Variants in WDR12 observed in about 807,000 individuals in gnomAD.
WDR12 encodes the protein WD repeat domain 12.
WDR12 carries 42 observed loss-of-function variants against 64.3 expected under a neutral mutation model. The ratio of observed to expected loss-of-function variants is 0.65; its 90% CI spans 0.51 to 0.84. The LOEUF (loss-of-function observed/expected upper bound fraction) is 0.84, where lower values mean the gene tolerates loss of function less well. Ranked by LOEUF, WDR12 falls within the 40% of genes least tolerant of loss-of-function variation. The pLI is 0.00. For missense variants in WDR12, 469 were observed against 494.6 expected (o/e 0.95, Z 0.49); for synonymous variants, 158 against 173.3 (o/e 0.91, Z 0.70).
rs972913811 is a variant in WDR12, at chr2:202,911,635, C to G, written c.-159G>C. On this transcript the variant is annotated 5_prime_UTR_variant, in exon 1 of 13. Transcript: ENST00000261015. The stretch of plus-strand genomic sequence containing the variant: ...AAGCCTGGACTCTGCCTTCTGCCCT[C>G]CGGTCTCCTCTGCAGAAAGCACGAG... The G allele has an allele frequency of 4.2e-5, 29 of 687,904 alleles. 1 individual carries two copies. The South Asian group carries it at 4.5e-4, about 11-fold the overall frequency. The allele number at this position is 687,904 out of a possible 1,614,324, so 42.6% of individuals were successfully genotyped here.
Position 202,896,046 on chromosome 2 carries a change from T to C in WDR12, c.609+19A>G, listed in dbSNP as rs1044731747. On this transcript the variant is annotated intron_variant, in intron 6 of 12. Transcript: ENST00000261015. ...AAATTCAAATTTAACAGAGTACTAATAATATTCTAGCTACTTACTTTAGTT... is the reference window on the plus strand; with the variant it reads ...AAATTCAAATTTAACAGAGTACTAACAATATTCTAGCTACTTACTTTAGTT... 1.2e-6 allele frequency: 2 copies of C among 1,608,872 alleles called. No individual in the cohort carries two copies. Among genetic ancestry groups the C allele is most frequent in the East Asian group, 2.2e-5 (1 of 44,812 alleles).
intron 2 of WDR12, among the ~76,000 whole-genome samples, chr2:202,903,495 G>GTAA (rs1201479306): frequency 7.3e-5 from 9 of 122,768 alleles, no homozygotes; most frequent in African/African-American, 2.6e-4. Flanking sequence ...AAGGAAGGAA[G>GTAA]GAAGGAAGTG....
chr2:202,907,034 C>T (rs536073202), intron 2 of WDR12, among the ~76,000 whole-genome samples: 5 of 151,928 alleles, frequency 3.3e-5, no homozygotes, highest in African/African-American at 4.8e-5. Context: ...CTGCAACCTC[C>T]GCCTCCCGGG....
intron 7 of WDR12, among the ~76,000 whole-genome samples, chr2:202,893,913 T>A (rs1015017633): frequency 1.3e-5 from 2 of 152,192 alleles, no homozygotes; most frequent in African/African-American, 2.4e-5. Flanking sequence ...CCAGCTTACC[T>A]AAGAAATTAA....
chr2:202,874,675 C>T lies in WDR12; in HGVS notation c.*6185G>A, dbSNP rs1254615341. On this transcript the variant is annotated 3_prime_UTR_variant, in exon 13 of 13. Transcript: ENST00000261015. ...TTTCTTTGTAATCTGTTGGATTTTA[C>T]CGAAGACGTCAGGAGAAGCATTATA... The T allele has an allele frequency of 1.3e-5, 2 of 152,272 alleles. No homozygotes were observed. The highest frequency in any genetic ancestry group is 2.4e-5 in the African/African-American group (1 of 41,566). The allele number at this position is 152,272 out of a possible 1,614,324, so 9.4% of individuals were successfully genotyped here.
intron 5 of WDR12, among the ~76,000 whole-genome samples, chr2:202,896,990 C>CA (rs1393367428): frequency 6.6e-6 from 1 of 150,914 alleles, no homozygotes; most frequent in African/African-American, 2.4e-5. Context: ...ATCTCAAAAA[C>CA]AAAACAAAAC....
chr2:202,901,140 A>G, intron 2 of WDR12, 21 bp from the exon 3 acceptor site: 2 of 1,570,650 alleles, frequency 1.3e-6, no homozygotes, highest in East Asian at 4.5e-5. Context: ...TACATAACAA[A>G]ATTATCACTC....
rs1217358730 is a variant in WDR12, at chr2:202,876,380, A to G, written c.*4480T>C. ...GTAAAAAGAGATATATTTGGTTCAT[A>G]TAACAAAATACTGTTATTGTGTTTG... is the stretch of plus-strand genomic sequence containing the variant. On this transcript the variant is annotated 3_prime_UTR_variant, in exon 13 of 13. Transcript: ENST00000261015. 6.6e-6 allele frequency: 1 copy of G among 152,228 alleles called. No individual in the cohort carries two copies. Among genetic ancestry groups the G allele is most frequent in the Admixed American group, 6.5e-5 (1 of 15,284 alleles). The allele number at this position is 152,228 out of a possible 1,614,324, so 9.4% of individuals were successfully genotyped here.
chr2:202,891,439 C>A (rs1315704325), intron 8 of WDR12, among the ~76,000 whole-genome samples: 1 of 152,208 alleles, frequency 6.6e-6, no homozygotes, highest in Admixed American at 6.5e-5. Flanking sequence ...CCTGAGCCAC[C>A]ACAGTTGGCC....
At chr2:202,906,958 A>ATT (rs112645694) in intron 2 of WDR12, among the ~76,000 whole-genome samples, 11 of 145,256 alleles carry the variant, frequency 7.6e-5, no homozygotes, top group Non-Finnish European at 1.4e-4. Context: ...AAACTTCAAC[A>ATT]TTTTTTTTTT....
intron 6 of WDR12, among the ~76,000 whole-genome samples, chr2:202,895,680 G>A (rs1182126325): frequency 7.8e-6 from 1 of 128,980 alleles, no homozygotes; most frequent in African/African-American, 2.8e-5. Context: ...GCGCCACCAT[G>A]CCCGGCTTAT....
intron 4 of WDR12, among the ~76,000 whole-genome samples, chr2:202,897,909 AT>A (rs1472497456): frequency 0.096 from 1,937 of 20,164 alleles, 81 homozygotes; most frequent in African/African-American, 0.18. Context: ...AAAAAAAAAA[AT>A]ATATATATAT....
Position 202,875,699 on chromosome 2 carries a change from TTC to T in WDR12, c.*5159_*5160del, listed in dbSNP as rs1687847015. On this transcript the variant is annotated 3_prime_UTR_variant, in exon 13 of 13. Transcript: ENST00000261015. ...CACGGCGCCCAGCCACATATAACCT[TTC>T]TGTTAGGCAAGTGAAGACACTTCCA... 1 of 152,176 alleles carries T rather than the reference TTC, an allele frequency of 6.6e-6. No homozygotes were observed. The highest frequency in any genetic ancestry group is 1.5e-5 in the Non-Finnish European group (1 of 68,048). The allele number at this position is 152,176 out of a possible 1,614,324, so 9.4% of individuals were successfully genotyped here.
intron 2 of WDR12, among the ~76,000 whole-genome samples, chr2:202,902,935 C>A (rs1045047136): frequency 7.9e-5 from 12 of 152,020 alleles, no homozygotes; most frequent in Non-Finnish European, 5.9e-5. Flanking sequence ...ATTAGCCAGC[C>A]GGGTGTGGTG....
In WDR12 at chr2:202,884,221, C is replaced by T. The variant is rs1688006664; in HGVS notation, c.965G>A (p.Arg322Lys). 6.2e-7 allele frequency: 1 copy of T among 1,613,098 alleles called. No homozygotes were observed. Among genetic ancestry groups the T allele is most frequent in the Non-Finnish European group, 8.5e-7 (1 of 1,180,034 alleles). Residue 322 changes from arginine (R) to lysine (K), a missense_variant, in exon 10 of 13, where the codon AGA (arginine) becomes AAA (lysine). Coordinates refer to ENST00000261015, the MANE Select transcript of WDR12 (RefSeq NM_018256.4). ...LASGSTDRHI[R>K]LWDPRTKDGS... ...ACCTTTAGTTCGGGGATCCCACAGTCTGATATGCCTATCTGTGCTTCCAGA... is the reference window on the plus strand; with the variant it reads ...ACCTTTAGTTCGGGGATCCCACAGTTTGATATGCCTATCTGTGCTTCCAGA...
Position 202,894,220 on chromosome 2 carries a change from ATT to A in WDR12, c.655+359_655+360del, listed in dbSNP as rs146561964. Among the ~76,000 whole-genome samples the A allele has an allele frequency of 4.0e-5, 6 of 148,458 alleles. No individual in the cohort carries two copies. In the East Asian group the frequency reaches 1.2e-3, roughly 29 times the overall value. ...TAAAAAGTCCCCTTTCACTAAACTG[ATT>A]TTTTTTTTTTGAGACAGGTTCTCAC... On this transcript the variant is annotated intron_variant, in intron 7 of 12. Coordinates refer to ENST00000261015, the MANE Select transcript of WDR12 (RefSeq NM_018256.4).
intron 8 of WDR12, 82 bp from the exon 9 acceptor site, chr2:202,884,617 G>T: frequency 7.0e-7 from 1 of 1,424,626 alleles, no homozygotes; most frequent in Non-Finnish European, 9.4e-7. Flanking sequence ...TACTTACAAA[G>T]CCCACATGAC....
At chr2:202,885,944 C>G (rs1688038478) in intron 8 of WDR12, among the ~76,000 whole-genome samples, 2 of 151,992 alleles carry the variant, frequency 1.3e-5, no homozygotes, top group Admixed American at 6.6e-5. Flanking sequence ...ATAGTCATAT[C>G]TATTTGGGAG....
chr2:202,911,541 CCTGCCTT>C lies in WDR12; in HGVS notation c.-72_-66del. ...GTTAGCAGACCCACAACACGAAGCT[CCTGCCTT>C]TTAAGACTACAAAGAGGCAGCTCAA... On this transcript the variant is annotated 5_prime_UTR_variant, in exon 1 of 13. Coordinates refer to ENST00000261015, the MANE Select transcript of WDR12 (RefSeq NM_018256.4). 6.7e-7 allele frequency: 1 copy of C among 1,501,276 alleles called. No homozygotes were observed. Among genetic ancestry groups the C allele is most frequent in the Non-Finnish European group, 9.3e-7 (1 of 1,077,290 alleles). The allele number at this position is 1,501,276 out of a possible 1,614,324, so 93.0% of individuals were successfully genotyped here. A position where few individuals can be genotyped will look rare whatever the true frequency, so the allele number is the denominator to read the frequency against.
Sources: gnomAD v4.1 joint callset for allele counts (sites outside exome capture counted in the v4.1 genomes callset) on GRCh38, gnomAD v4.1.1 for gene constraint, MANE v1.5 for transcripts, NCBI Gene and HGNC (gene_info 2026-07-23, HGNC 2026-07-21) for gene names.